DUS3L: variants seen among roughly 807,000 people sequenced by gnomAD.
DUS3L encodes the protein dihydrouridine synthase 3 like, also known as tRNA-dihydrouridine(47) synthase [NAD(P)(+)]-like.
Under a neutral mutation model 74.6 loss-of-function variants are expected in DUS3L, and 62 were observed. That is an observed-to-expected ratio of 0.83 (90% confidence interval 0.68 to 1.03). DUS3L has a LOEUF of 1.03. DUS3L is among the 50% of genes least tolerant of loss of function. DUS3L has a pLI of 0.00. For missense variants in DUS3L, 884 were observed against 924.4 expected, an observed-to-expected ratio of 0.96 and a Z score of 0.57; for synonymous variants, 433 against 395.7, an observed-to-expected ratio of 1.09 and a Z score of -1.12.
intron 1 of DUS3L, 121 bp downstream of exon 1, chr19:5,790,923 A>C (rs1459235995): frequency 3.1e-6 from 3 of 978,000 alleles, no homozygotes; most frequent in South Asian, 1.6e-5. Context: ...AACGGCCCGG[A>C]ATGAAGAGCC....
chr19:5,790,805 G>A (rs1000665292), intron 1 of DUS3L: 6 of 594,586 alleles, frequency 1.0e-5, no homozygotes, highest in Non-Finnish European at 1.8e-5. Flanking sequence ...CGCGGGCCTG[G>A]CCTCAAATCC....
rs142103037 is a variant in DUS3L at position 5,785,569 on chromosome 19, C to A, written c.1751+34G>T. 5.1e-6 allele frequency: 8 copies of A among 1,573,588 alleles called. No homozygotes were observed. The African/African-American group carries it at 1.1e-4, about 21-fold the overall frequency. On this transcript the variant is annotated intron_variant, in intron 11 of 12. Coordinates refer to ENST00000309061, the MANE Select transcript of DUS3L (RefSeq NM_020175.3). ...GTCAGCTCTAACCAGCCGCGGCCCACGCGCCGCCCACCCCAGCCAGCCCCG... is the reference window on the plus strand; with the variant it reads ...GTCAGCTCTAACCAGCCGCGGCCCAAGCGCCGCCCACCCCAGCCAGCCCCG...
At chr19:5,790,933 C>T (rs2056904319) in intron 1 of DUS3L, 111 bp downstream of exon 1, 2 of 1,047,084 alleles carry the variant, frequency 1.9e-6, no homozygotes, top group South Asian at 1.5e-5. Flanking sequence ...AATGAAGAGC[C>T]GGTGGCTTCT....
chr19:5,790,750 T>A, intron 1 of DUS3L: 1 of 565,826 alleles, frequency 1.8e-6, no homozygotes. Context: ...GCAGAGCACA[T>A]GCGCCGTACG....
At position 5,789,318 on chromosome 19, in the gene DUS3L, C is replaced by T. The variant is rs982611222; in HGVS notation, c.789G>A (p.Gln263=). 4 of 1,605,248 alleles carry T rather than the reference C, an allele frequency of 2.5e-6. No homozygotes were observed. Among genetic ancestry groups the T allele is most frequent in the Non-Finnish European group, 3.4e-6 (4 of 1,176,400 alleles). ...GAPRQENCGA[Q]QVPAGPGTST... ...TAGTGCCCGGCCCTGCGGGGACCTGCTGGGCACCACAGTTTTCCTGCCTGG... is the reference window on the plus strand; with the variant it reads ...TAGTGCCCGGCCCTGCGGGGACCTGTTGGGCACCACAGTTTTCCTGCCTGG... Residue 263 remains glutamine, a synonymous_variant, in exon 3 of 13, where the codon CAG becomes CAA. Transcript: ENST00000309061.
In DUS3L at chr19:5,786,884, G is replaced by A; in HGVS notation, c.1390-39C>T. ...CGCCACGCAGGGTAGGAGGCAGAGAGTGAGACGCAGAGAGGAAGAGACCAA... is the reference window on the plus strand; with the variant it reads ...CGCCACGCAGGGTAGGAGGCAGAGAATGAGACGCAGAGAGGAAGAGACCAA... On this transcript the variant is annotated intron_variant, in intron 8 of 12. Transcript: ENST00000309061. 4 of 1,572,270 alleles carry A rather than the reference G, an allele frequency of 2.5e-6. No individual in the cohort carries two copies. The South Asian group carries it at 3.5e-5, about 14-fold the overall frequency.
chr19:5,790,736 G>A lies in DUS3L; in HGVS notation c.98+308C>T. Reference sequence around the variant, plus strand: ...ACCCCAAGACCCGCCAGTAACGGCCGCTGGCAGAGCACATGCGCCGTACGT... The same window carrying A: ...ACCCCAAGACCCGCCAGTAACGGCCACTGGCAGAGCACATGCGCCGTACGT... On this transcript the variant is annotated intron_variant, in intron 1 of 12. Coordinates refer to ENST00000309061, the MANE Select transcript of DUS3L (RefSeq NM_020175.3). 3 of 554,116 alleles carry A rather than the reference G, an allele frequency of 5.4e-6. 1 individual carries two copies. The South Asian group carries it at 6.4e-5, about 12-fold the overall frequency. 34.3% of individuals were successfully genotyped at this position (554,116 alleles called of 1,614,324 possible).
intron 1 of DUS3L, 126 bp from the exon 2 acceptor site, chr19:5,790,461 G>A (rs1029609206): frequency 8.4e-7 from 1 of 1,190,270 alleles, no homozygotes; most frequent in Non-Finnish European, 1.2e-6. Context: ...TTAAGAACCA[G>A]CCAGCTCCCA....
chr19:5,789,154 T>C (rs956870244), intron 3 of DUS3L, 53 bp downstream of exon 3: 27 of 1,496,318 alleles, frequency 1.8e-5, no homozygotes, highest in Middle Eastern at 1.8e-4. Context: ...TGGTATTTAA[T>C]AGACGCACAC....
Position 5,789,543 on chromosome 19 carries a change from T to A in DUS3L, c.564A>T (p.Gly188=). 1 of 1,602,120 alleles carries A rather than the reference T, an allele frequency of 6.2e-7. No homozygotes were observed. Among genetic ancestry groups the A allele is most frequent in the South Asian group, 1.1e-5 (1 of 89,568 alleles). The change falls in exon 3 of 13, where the codon GGA becomes GGT. Residue 188 remains glycine, a synonymous_variant. Coordinates refer to ENST00000309061, the MANE Select transcript of DUS3L (RefSeq NM_020175.3). The part of the protein sequence containing the change: ...RFAGAHLRPE[G]QNLVQEELAA... ...CCAACTCCTCCTGCACCAGGTTCTGTCCCTCGGGCCTCAGGTGGGCCCCAG... is the reference window on the plus strand; with the variant it reads ...CCAACTCCTCCTGCACCAGGTTCTGACCCTCGGGCCTCAGGTGGGCCCCAG...
In DUS3L at chr19:5,786,804, G is replaced by A. The variant is rs10811; in HGVS notation, c.1431C>T (p.Ala477=). The A allele has an allele frequency of 0.18, 295,614 of 1,611,372 alleles. 32,413 individuals carry two copies. Among genetic ancestry groups the A allele is most frequent in the East Asian group, 0.48 (21,713 of 44,788 alleles). ...CGCACTCCTCGATGTACTGCCAGTC[G>A]GCTAGCTTGGTGTAGCGCTGCTCCC... The part of the protein sequence containing the change: ...RSREQRYTKL[A]DWQYIEECVQ... The change falls in exon 9 of 13, where the codon GCC becomes GCT. Residue 477 remains alanine, a synonymous_variant. Coordinates refer to ENST00000309061, the MANE Select transcript of DUS3L (RefSeq NM_020175.3).
chr19:5,788,573 T>C (rs1231913467), intron 3 of DUS3L, among the ~76,000 whole-genome samples, 175 bp from the exon 4 acceptor site: 2 of 152,140 alleles, frequency 1.3e-5, no homozygotes, highest in East Asian at 3.9e-4. Flanking sequence ...CCTTTCCTCA[T>C]CGTCTCCTCC....
At chr19:5,787,531 T>A in intron 6 of DUS3L, 58 bp downstream of exon 6, 1 of 1,577,408 alleles carries the variant, frequency 6.3e-7, no homozygotes, top group South Asian at 1.1e-5. Context: ...CATCGCCGGC[T>A]GGGTCAGTGC....
At chr19:5,785,868 G>C (rs1436618515) in intron 10 of DUS3L, 77 bp from the exon 11 acceptor site, 2 of 1,438,698 alleles carry the variant, frequency 1.4e-6, no homozygotes, top group Non-Finnish European at 1.8e-6. Context: ...CCATGGCCTG[G>C]CCTGAGCCGG....
In DUS3L at chr19:5,789,516, C is replaced by T. The variant is rs35133593; in HGVS notation, c.591G>A (p.Ala197=). Residue 197 remains alanine, a synonymous_variant, in exon 3 of 13, where the codon GCG becomes GCA. Coordinates refer to ENST00000309061, the MANE Select transcript of DUS3L (RefSeq NM_020175.3). ...TGGACGGGGGCTGGGTCCCGCGGGC[C>T]GCCAACTCCTCCTGCACCAGGTTCT... is the stretch of plus-strand genomic sequence containing the variant. ...EGQNLVQEEL[A]ARGTQPPSIR... 1.8e-3 allele frequency: 2,965 copies of T among 1,605,092 alleles called. 49 individuals are homozygous for T. In the African/African-American group the frequency reaches 0.033, roughly 18 times the overall value.
chr19:5,788,475 C>A lies in DUS3L; in HGVS notation c.901-77G>T, dbSNP rs1039641733. The A allele has an allele frequency of 3.9e-6, 6 of 1,536,364 alleles. No homozygotes were observed. The African/African-American group carries it at 8.2e-5, about 21-fold the overall frequency. ...TGAGGCCCTGGAGCCTCCCTTCTAC[C>A]CACAGTCTAGGACACACTTGGCCCA... On this transcript the variant is annotated intron_variant, in intron 3 of 12. Transcript: ENST00000309061.
chr19:5,789,957 G>A (rs1000497507), intron 2 of DUS3L, 90 bp downstream of exon 2: 6 of 1,539,256 alleles, frequency 3.9e-6, no homozygotes, highest in Non-Finnish European at 5.3e-6. Context: ...GTTGCTGAAG[G>A]CCCAGGAGCT....
chr19:5,787,003 A>G, intron 8 of DUS3L, 58 bp downstream of exon 8: 1 of 1,493,612 alleles, frequency 6.7e-7, no homozygotes, highest in South Asian at 1.3e-5. Flanking sequence ...AGGAGCCATT[A>G]GGAAGGGACG....
rs139351537 is a variant in DUS3L at position 5,786,399 on chromosome 19, C to T, written c.1562+68G>A. ...CCCACCACAGAACAGGGGTGGGTGACGGCGTGTTGGGTTCAGGGCACTGCT... is the reference window on the plus strand; with the variant it reads ...CCCACCACAGAACAGGGGTGGGTGATGGCGTGTTGGGTTCAGGGCACTGCT... On this transcript the variant is annotated intron_variant, in intron 10 of 12. Coordinates refer to ENST00000309061, the MANE Select transcript of DUS3L (RefSeq NM_020175.3). 6.0e-3 allele frequency: 8,955 copies of T among 1,489,934 alleles called. 58 individuals are homozygous for T. The highest frequency in any genetic ancestry group is 5.9e-3 in the Non-Finnish European group (6,433 of 1,084,134). The allele number at this position is 1,489,934 out of a possible 1,614,324, so 92.3% of individuals were successfully genotyped here. A position where few individuals can be genotyped will look rare whatever the true frequency, so the allele number is the denominator to read the frequency against.
Sources: allele counts gnomAD v4.1 joint callset (sites outside exome capture counted in the v4.1 genomes callset), GRCh38; gene constraint gnomAD v4.1.1; transcripts MANE v1.5; gene names NCBI Gene and HGNC (gene_info 2026-07-23, HGNC 2026-07-21).